The following DDX43 variants were observed in gnomAD, a reference collection of about 807,000 sequenced individuals.
DDX43 encodes the protein probable ATP-dependent RNA helicase DDX43.
A neutral mutation model predicts 84.9 loss-of-function variants in DDX43; 50 were observed. That is an observed-to-expected ratio of 0.59 (90% confidence interval 0.47 to 0.75). The LOEUF is 0.75. Ranked by LOEUF, DDX43 falls within the 30% of genes least tolerant of loss-of-function variation. The probability of loss-of-function intolerance (pLI) is 0.00; values close to 1 mark genes in which losing one functional copy is unlikely to be tolerated. For missense variants in DDX43, 689 were observed against 798.6 expected, an observed-to-expected ratio of 0.86 and a Z score of 1.65; for synonymous variants, 291 against 266.3, an observed-to-expected ratio of 1.09 and a Z score of -0.90.
At chr6:73,411,738 C>T (rs564423833) in intron 10 of DDX43, among the ~76,000 whole-genome samples, 2 of 152,248 alleles carry the variant, frequency 1.3e-5, no homozygotes, top group East Asian at 1.9e-4. Flanking sequence ...GCTTTTGTTG[C>T]GGTGGCTGGA....
At chr6:73,408,764 C>T (rs1313043942) in intron 9 of DDX43, among the ~76,000 whole-genome samples, 4 of 152,012 alleles carry the variant, frequency 2.6e-5, no homozygotes, top group African/African-American at 9.7e-5. Context: ...TCATGTTGGC[C>T]AGGCTGGTCT....
chr6:73,412,351 A>G, intron 11 of DDX43, 59 bp downstream of exon 11: 1 of 1,468,472 alleles, frequency 6.8e-7, no homozygotes, highest in Non-Finnish European at 9.4e-7. Flanking sequence ...GAAGATAGCT[A>G]ATTTTGGTGT....
chr6:73,401,475 A>G (rs1447929006), intron 3 of DDX43, among the ~76,000 whole-genome samples: 3 of 152,162 alleles, frequency 2.0e-5, no homozygotes, highest in South Asian at 2.1e-4. Flanking sequence ...AGAAACCCCA[A>G]ATTTTATATT....
intron 15 of DDX43, 82 bp downstream of exon 15, chr6:73,415,666 TC>T: frequency 2.1e-6 from 2 of 968,186 alleles, no homozygotes; most frequent in Non-Finnish European, 1.6e-6. Context: ...TTGCTATTTA[TC>T]AGGAAGCTTC....
chr6:73,413,603 G>A lies in DDX43; in HGVS notation c.1369-55G>A, dbSNP rs1303207962. The A allele has an allele frequency of 1.4e-5, 22 of 1,560,996 alleles. No homozygotes were observed. In the Admixed American group the frequency reaches 2.3e-4, roughly 16 times the overall value. ...AGATGCATTTTGAGCTGATGTATGC[G>A]GTCTCACCCTCAATCATGATGACCT... is the stretch of plus-strand genomic sequence containing the variant. On this transcript the variant is annotated intron_variant, in intron 11 of 16. Transcript: ENST00000370336.
At chr6:73,415,409 A>G in intron 14 of DDX43, 88 bp from the exon 15 acceptor site, 1 of 910,162 alleles carries the variant, frequency 1.1e-6, no homozygotes, top group South Asian at 1.7e-5. Context: ...ATCTTAATAC[A>G]TTCCAGCTTC....
In DDX43 at chr6:73,398,802, C is replaced by T. The variant is rs1425847830; in HGVS notation, c.306+1058C>T. Among the ~76,000 whole-genome samples the T allele has an allele frequency of 2.6e-5, 4 of 152,264 alleles. No individual in the cohort carries two copies. The East Asian group carries it at 5.8e-4, about 22-fold the overall frequency. On this transcript the variant is annotated intron_variant, in intron 2 of 16. Transcript: ENST00000370336. ...AATCTGACTATCCACATTGGTATTT[C>T]CTTATTCTCATTCACCGCTAGGTCT... is the stretch of plus-strand genomic sequence containing the variant.
At chr6:73,403,512 A>G (rs2150792539) in intron 4 of DDX43, among the ~76,000 whole-genome samples, 1 of 152,266 alleles carries the variant, frequency 6.6e-6, no homozygotes, top group African/African-American at 2.4e-5. Context: ...GTAACTTAAG[A>G]GAGTAGACCA....
rs750741529 is a variant in DDX43 at position 73,412,298 on chromosome 6, CT to C, written c.1368+14del. The C allele has an allele frequency of 1.9e-5, 31 of 1,597,994 alleles. No individual in the cohort carries two copies. Among genetic ancestry groups the C allele is most frequent in the East Asian group, 8.9e-5 (4 of 44,722 alleles). ...TTGGTACATTGGATCTAGTTGTAAG[CT>C]TTTTTTTATTACTATTGTTTAACAT... On this transcript the variant is annotated splice_region_variant and intron_variant, in intron 11 of 16. Coordinates refer to ENST00000370336, the MANE Select transcript of DDX43 (RefSeq NM_018665.3).
intron 10 of DDX43, among the ~76,000 whole-genome samples, chr6:73,409,698 A>G (rs1158387799): frequency 1.3e-5 from 2 of 152,254 alleles, no homozygotes; most frequent in Non-Finnish European, 2.9e-5. Flanking sequence ...TGATCTATAA[A>G]GAATGATATC....
rs777327147 is a variant in DDX43 at position 73,406,414 on chromosome 6, C to A, written c.858C>A (p.Ala286=). Residue 286 remains alanine (A), a synonymous_variant, in exon 7 of 17, where the codon GCC becomes GCA. Coordinates refer to ENST00000370336, the MANE Select transcript of DDX43 (RefSeq NM_018665.3). ...AAGGAATAGATCTTATAGGAGTAGC[C>A]CAGACTGGAACAGGAAAGACATTGT... ...VLQGIDLIGV[A]QTGTGKTLCY... 3 of 1,613,606 alleles carry A rather than the reference C, an allele frequency of 1.9e-6. No individual in the cohort carries two copies. In the Admixed American group the frequency reaches 5.0e-5, roughly 27 times the overall value.
intron 4 of DDX43, among the ~76,000 whole-genome samples, chr6:73,403,333 G>A (rs909634009): frequency 1.5e-4 from 23 of 152,106 alleles, no homozygotes; most frequent in Non-Finnish European, 1.2e-4. Flanking sequence ...AGCTGGGCGC[G>A]GTGGCACATG....
intron 6 of DDX43, 94 bp from the exon 7 acceptor site, chr6:73,406,270 C>T: frequency 1.2e-6 from 1 of 804,972 alleles, no homozygotes; most frequent in South Asian, 1.6e-5. Flanking sequence ...GATCTGCCCG[C>T]CTCGGCCTCC....
At chr6:73,398,667 G>A (rs1474881447) in intron 2 of DDX43, among the ~76,000 whole-genome samples, 1 of 152,218 alleles carries the variant, frequency 6.6e-6, no homozygotes, top group Non-Finnish European at 1.5e-5. Context: ...TATTCATCAT[G>A]TCCAAAAGGT....
rs1769883818 is a variant in DDX43 at position 73,415,445 on chromosome 6, T to C, written c.1746-52T>C. On this transcript the variant is annotated intron_variant, in intron 14 of 16. Transcript: ENST00000370336. ...TGTGAAAAAGTTTTCATTTGTCTTA[T>C]TCTGTATTAACTGAATAATGAATAC... 3 of 1,318,522 alleles carry C rather than the reference T, an allele frequency of 2.3e-6. No individual in the cohort carries two copies. The South Asian group carries it at 3.7e-5, about 16-fold the overall frequency. 81.7% of individuals were successfully genotyped at this position (1,318,522 alleles called of 1,614,324 possible). A position where few individuals can be genotyped will look rare whatever the true frequency, so the allele number is the denominator to read the frequency against.
At chr6:73,411,518 A>T (rs1269620210) in intron 10 of DDX43, among the ~76,000 whole-genome samples, 2 of 151,524 alleles carry the variant, frequency 1.3e-5, no homozygotes, top group African/African-American at 4.9e-5. Flanking sequence ...TAGTAGGCAC[A>T]GACTTTCCCC....
intron 2 of DDX43, among the ~76,000 whole-genome samples, chr6:73,399,676 G>A (rs1769531814): frequency 6.6e-6 from 1 of 152,188 alleles, no homozygotes; most frequent in Non-Finnish European, 1.5e-5. Context: ...TGAAATTATG[G>A]ATGTTGATAG....
At position 73,400,265 on chromosome 6, in the gene DDX43, A is replaced by T; in HGVS notation, c.338A>T (p.Lys113Ile). ...IIQEQPESLV[K>I]IFGSKAMQTK... The stretch of plus-strand genomic sequence containing the variant: ...CAAGAACAACCAGAATCATTAGTCA[A>T]AATTTTTGGCAGCAAGGCAATGCAA... Residue 113 changes from lysine (K) to isoleucine (I), a missense_variant, in exon 3 of 17, where the codon AAA becomes ATA. By Grantham distance (102) the Lys-to-Ile change is moderately radical (BLOSUM62 -3). Coordinates refer to ENST00000370336, the MANE Select transcript of DDX43 (RefSeq NM_018665.3). 1 of 1,605,616 alleles carries T rather than the reference A, an allele frequency of 6.2e-7. No individual in the cohort carries two copies. Among genetic ancestry groups the T allele is most frequent in the Non-Finnish European group, 8.5e-7 (1 of 1,176,962 alleles).
Position 73,405,798 on chromosome 6 carries a change from T to C in DDX43, c.770T>C (p.Ile257Thr), listed in dbSNP as rs1245818158. ...TGTTATCCTGAGGTTATGGAAAACA[T>C]TAAAAAGGCAGGTTTTCAAAAGCCA... ...FQCYPEVMEN[I>T]KKAGFQKPTP... The change falls in exon 6 of 17, where the codon ATT becomes ACT. Residue 257 changes from isoleucine (I) to threonine (T), a missense_variant. Ile to Thr is a moderately conservative substitution (Grantham distance 89, BLOSUM62 -1). Transcript: ENST00000370336. 1.2e-6 allele frequency: 2 copies of C among 1,614,100 alleles called. No homozygotes were observed. Among genetic ancestry groups the C allele is most frequent in the East Asian group, 2.2e-5 (1 of 44,878 alleles).
Sources: gnomAD v4.1 joint callset for allele counts (sites outside exome capture counted in the v4.1 genomes callset) on GRCh38, gnomAD v4.1.1 for gene constraint, MANE v1.5 for transcripts, NCBI Gene and HGNC (gene_info 2026-07-23, HGNC 2026-07-21) for gene names.